The following CTBP2 variants were observed in gnomAD, a reference collection of about 807,000 sequenced individuals.
The protein encoded by CTBP2 is C-terminal binding protein 2.
A neutral mutation model predicts 80.3 loss-of-function variants in CTBP2; 30 were observed. The ratio of observed to expected loss-of-function variants is 0.37; its 90% CI spans 0.28 to 0.51. The LOEUF is 0.51. Among genes scored for constraint, CTBP2 ranks in the 20% least tolerant of loss-of-function variants. CTBP2 has a pLI of 0.93. For synonymous variants in CTBP2, 594 were observed against 587.4 expected, an observed-to-expected ratio of 1.01 and a Z score of -0.16; for missense variants, 1,212 against 1,375.3, an observed-to-expected ratio of 0.88 and a Z score of 1.88.
chr10:125,026,596 A>AGGCTGGGGCTGCAGG lies in CTBP2; in HGVS notation c.1163_1164insCCTGCAGCCCCAGCC (p.Ala388_Ala389insLeuGlnProGlnPro), dbSNP rs772295883. ...GGGATGCTGTCTGCAGAGGAGCCGC[A>AGGCTGGGGCTGCAGG]GCGCCCAGAGAAGCCAAGTCACCAT... On this transcript the variant is annotated inframe_insertion, in exon 1 of 9. Transcript: ENST00000309035. 1 of 1,564,162 alleles carries AGGCTGGGGCTGCAGG rather than the reference A, an allele frequency of 6.4e-7. No homozygotes were observed.
intron 3 of CTBP2, among the ~76,000 whole-genome samples, chr10:125,035,645 A>G (rs183732585): frequency 5.3e-5 from 8 of 152,248 alleles, no homozygotes; most frequent in Non-Finnish European, 1.0e-4. Context: ...CTACAAACCC[A>G]GGGCTCTGCA....
chr10:125,124,934 T>C (rs1247205742), intron 1 of CTBP2, among the ~76,000 whole-genome samples: 1 of 152,206 alleles, frequency 6.6e-6, no homozygotes, highest in African/African-American at 2.4e-5. Context: ...CCGCTGGCAT[T>C]TATCTCGATG....
chr10:125,152,092 G>C (rs1269584661), intron 1 of CTBP2, among the ~76,000 whole-genome samples: 1 of 152,142 alleles, frequency 6.6e-6, no homozygotes, highest in Non-Finnish European at 1.5e-5. Flanking sequence ...GGGGGGAAGA[G>C]GGCACAGCTG....
chr10:125,055,145 A>G (rs1196231598), intron 2 of CTBP2, among the ~76,000 whole-genome samples: 1 of 152,144 alleles, frequency 6.6e-6, no homozygotes, highest in African/African-American at 2.4e-5. Context: ...GGGTAAACAG[A>G]CCTTCTTGCT....
chr10:125,104,956 G>A (rs925000038), intron 2 of CTBP2, among the ~76,000 whole-genome samples: 1 of 151,154 alleles, frequency 6.6e-6, no homozygotes, highest in Non-Finnish European at 1.5e-5. Flanking sequence ...CCGAGGACAC[G>A]AGGGTCATGG....
At chr10:125,132,932 T>A (rs74573605) in intron 1 of CTBP2, among the ~76,000 whole-genome samples, 10,918 of 152,276 alleles carry the variant, frequency 0.072, 571 homozygotes, top group Middle Eastern at 0.13. Flanking sequence ...AAAATGACGC[T>A]TAGAATGACA....
chr10:125,096,025 A>G (rs1003805979), intron 2 of CTBP2, among the ~76,000 whole-genome samples: 9 of 152,042 alleles, frequency 5.9e-5, no homozygotes, highest in African/African-American at 2.2e-4. Flanking sequence ...CAAACCAGGA[A>G]GGGAGCGCAG....
At chr10:125,020,529 G>A (rs1457939355) in intron 1 of CTBP2, among the ~76,000 whole-genome samples, 6 of 152,206 alleles carry the variant, frequency 3.9e-5, no homozygotes, top group African/African-American at 9.7e-5. Flanking sequence ...TGACTGGAAC[G>A]CGGGCAGAGC....
At chr10:125,063,996 A>G (rs917107773) in intron 2 of CTBP2, among the ~76,000 whole-genome samples, 8 of 152,138 alleles carry the variant, frequency 5.3e-5, no homozygotes, top group Non-Finnish European at 1.0e-4. Context: ...TTTAGAGGCC[A>G]TCGTAATTTA....
At chr10:125,161,774 C>T (rs1218862355), upstream of CTBP2, among the ~76,000 whole-genome samples, 4 of 152,108 alleles carry the variant, frequency 2.6e-5, no homozygotes, top group African/African-American at 4.8e-5. Flanking sequence ...TTGAGAAGCC[C>T]TGTGTTGGGT....
Position 124,993,995 on chromosome 10 carries a change from G to C in CTBP2, c.2401-10C>G. 6.2e-7 allele frequency: 1 copy of C among 1,613,738 alleles called. No individual in the cohort carries two copies. Among genetic ancestry groups the C allele is most frequent in the Non-Finnish European group, 8.5e-7 (1 of 1,179,872 alleles). ...ATGCTCCCTGCCTCATCTGTGGAAG[G>C]AAAGAAAAGCCGGTTACAGGCACAC... On this transcript the variant is annotated splice_polypyrimidine_tract_variant and intron_variant, in intron 5 of 8. Transcript: ENST00000309035.
At chr10:125,098,393 T>A (rs1261622975) in intron 2 of CTBP2, among the ~76,000 whole-genome samples, 1 of 152,032 alleles carries the variant, frequency 6.6e-6, no homozygotes, top group East Asian at 1.9e-4. Flanking sequence ...TGGCTGAGAA[T>A]ATAGTAATAT....
At position 124,984,855 on chromosome 10, in the gene CTBP2, A is replaced by G; in HGVS notation, c.*4663T>C. The G allele has an allele frequency of 6.2e-7, 1 of 1,614,030 alleles. No homozygotes were observed. The highest frequency in any genetic ancestry group is 8.5e-7 in the Non-Finnish European group (1 of 1,179,994). ...GACGGAGGGGGGAGTTCTGGTTGCC[A>G]TGCAGAAGAGTTCTCGGCGGCGAAA... On this transcript the variant is annotated 3_prime_UTR_variant, in exon 9 of 9. Coordinates refer to ENST00000309035, the MANE Select transcript of CTBP2 (RefSeq NM_022802.3).
Position 125,026,738 on chromosome 10 carries a change from A to G in CTBP2, c.1022T>C (p.Val341Ala). The G allele has an allele frequency of 6.2e-7, 1 of 1,612,980 alleles. No individual in the cohort carries two copies. The highest frequency in any genetic ancestry group is 8.5e-7 in the Non-Finnish European group (1 of 1,179,944). The change falls in exon 1 of 9, where the codon GTT (valine) becomes GCT (alanine). Residue 341 changes from valine to alanine, a missense_variant. This residue lies in a region of CTBP2 where 848 missense variants were observed against 782.3 expected (regional missense o/e 1.08). Coordinates refer to ENST00000309035, the MANE Select transcript of CTBP2 (RefSeq NM_022802.3). Reference sequence around the variant, plus strand: ...GCAGCTATTGGCCAGGCGGCTCAGAACACGGGCCTGGCCCAGGTTGGGTGC... The same window carrying G: ...GCAGCTATTGGCCAGGCGGCTCAGAGCACGGGCCTGGCCCAGGTTGGGTGC...
chr10:125,141,381 TG>T (rs1857785977), intron 1 of CTBP2, among the ~76,000 whole-genome samples: 1 of 152,228 alleles, frequency 6.6e-6, no homozygotes, highest in Middle Eastern at 3.4e-3. Flanking sequence ...ACTGCAAGCA[TG>T]GCCATCTACC....
At chr10:125,050,603 C>T (rs747682852) in intron 2 of CTBP2, among the ~76,000 whole-genome samples, 15 of 152,050 alleles carry the variant, frequency 9.9e-5, no homozygotes, top group Non-Finnish European at 1.6e-4. Context: ...TATCAAATGC[C>T]GGGAAAAGGA....
rs74769610 is a variant in CTBP2 at position 124,993,299 on chromosome 10, C to A, written c.2562G>T (p.Pro854=). ...CAGTGTGAGGAGTGCAGATGAGATT[C>A]GGGGCATCTTTCAACGGACCCTGAG... Residue 854 remains proline (P), a synonymous_variant, in exon 7 of 9, where the codon CCG becomes CCT. Transcript: ENST00000309035. 1.2e-6 allele frequency: 2 copies of A among 1,609,466 alleles called. No homozygotes were observed. Among genetic ancestry groups the A allele is most frequent in the South Asian group, 2.2e-5 (2 of 90,880 alleles).
intron 1 of CTBP2, among the ~76,000 whole-genome samples, chr10:125,013,725 T>C (rs1956174885): frequency 6.6e-6 from 1 of 152,044 alleles, no homozygotes; most frequent in African/African-American, 2.4e-5. Context: ...AGCAAGTAAG[T>C]GATGGAGTCA....
intron 2 of CTBP2, among the ~76,000 whole-genome samples, chr10:125,049,041 C>CCACACA (rs1364121384): frequency 6.2e-5 from 7 of 112,474 alleles, no homozygotes; most frequent in East Asian, 3.9e-4. Flanking sequence ...GCCCGCCTGA[C>CCACACA]CACAGACACA....
Sources: gnomAD v4.1 joint callset for allele counts (sites outside exome capture counted in the v4.1 genomes callset) on GRCh38, gnomAD v4.1.1 for gene constraint, gnomAD v4.1.1 regional missense constraint, MANE v1.5 for transcripts, NCBI Gene and HGNC (gene_info 2026-07-23, HGNC 2026-07-21) for gene names.